Variants in HDAC4 observed in about 807,000 individuals in gnomAD.
HDAC4 encodes the protein histone deacetylase 4, also known as histone deacetylase A.
Under a neutral mutation model 135.1 loss-of-function variants are expected in HDAC4, and 16 were observed. The ratio of observed to expected loss-of-function variants is 0.12; its 90% CI spans 0.08 to 0.18. HDAC4 has a LOEUF of 0.18. Among genes scored for constraint, HDAC4 ranks in the 10% least tolerant of loss-of-function variants. The pLI, the probability that HDAC4 is intolerant of heterozygous loss-of-function variation, is 1.00. For synonymous variants in HDAC4, 685 were observed against 653.4 expected, an observed-to-expected ratio of 1.05 and a Z score of -0.74; for missense variants, 1,143 against 1,511.8, an observed-to-expected ratio of 0.76 and a Z score of 4.05.
intron 4 of HDAC4, among the ~76,000 whole-genome samples, chr2:239,181,972 T>C (rs889984679): frequency 1.3e-5 from 2 of 152,118 alleles, no homozygotes; most frequent in African/African-American, 2.4e-5. Flanking sequence ...GCTAGGGAGA[T>C]ACTACCTGGA....
chr2:239,357,780 T>C (rs1195900830), intron 1 of HDAC4, among the ~76,000 whole-genome samples: 1 of 149,578 alleles, frequency 6.7e-6, no homozygotes, highest in Non-Finnish European at 1.5e-5. Context: ...TCCCAGCTAC[T>C]CGGGAGGCTG....
At chr2:239,163,356 C>T (rs1182451282) in intron 6 of HDAC4, among the ~76,000 whole-genome samples, 1 of 152,212 alleles carries the variant, frequency 6.6e-6, no homozygotes, top group Admixed American at 6.5e-5. Flanking sequence ...CCAAGAGTAA[C>T]GACAGGCACC....
rs922083531 is a variant in HDAC4, at chr2:239,321,396, C to T, written c.22+31282G>A. On this transcript the variant is annotated intron_variant, in intron 2 of 26. Transcript: ENST00000543185. ...AGGACAATGGTGTGAACCCGGGAGA[C>T]GGAGCTTGCAGCGAGCCGAGATAGC... Among the ~76,000 whole-genome samples the T allele has an allele frequency of 3.8e-5, 5 of 131,792 alleles. 1 individual carries two copies. Among genetic ancestry groups the T allele is most frequent in the Non-Finnish European group, 1.5e-5 (1 of 65,326 alleles). 86.5% of individuals were successfully genotyped at this position (131,792 alleles called of 152,430 possible). A position where few individuals can be genotyped will look rare whatever the true frequency, so the allele number is the denominator to read the frequency against.
At chr2:239,247,260 T>G (rs1230371756) in intron 2 of HDAC4, among the ~76,000 whole-genome samples, 1 of 152,190 alleles carries the variant, frequency 6.6e-6, no homozygotes, top group African/African-American at 2.4e-5. Context: ...CTTTCTAAAC[T>G]AACACCTTTT....
chr2:239,089,161 GA>G lies in HDAC4; in HGVS notation c.2388+847del, dbSNP rs202062852. Among the ~76,000 whole-genome samples the G allele has an allele frequency of 3.9e-5, 6 of 152,246 alleles. No individual in the cohort carries two copies. The East Asian group carries it at 9.7e-4, about 25-fold the overall frequency. On this transcript the variant is annotated intron_variant, in intron 18 of 26. Transcript: ENST00000543185. Reference sequence around the variant, plus strand: ...GAATACCCACAATTAGAATACCTCTGAAAAGTCTATTAAAATCCTGCTCCCA... The same window carrying G: ...GAATACCCACAATTAGAATACCTCTGAAAGTCTATTAAAATCCTGCTCCCA...
rs139907921 is a variant in HDAC4, at chr2:239,225,088, G to A, written c.94+11505C>T. 3.7e-3 allele frequency among the ~76,000 whole-genome samples: 556 copies of A among 151,872 alleles called. 4 individuals carry two copies. Among genetic ancestry groups the A allele is most frequent in the African/African-American group, 0.012 (510 of 41,408 alleles). ...GATGACTTGGAAAATTCAGACTTTC[G>A]GGAAACAAAAAACACTTCTAAATAT... On this transcript the variant is annotated intron_variant, in intron 3 of 26. Coordinates refer to ENST00000543185, the MANE Select transcript of HDAC4 (RefSeq NM_001378414.1).
rs917959799 is a variant in HDAC4 at position 239,303,593 on chromosome 2, T to G, written c.22+49085A>C. Among the ~76,000 whole-genome samples, 1 of 151,788 alleles carries G rather than the reference T, an allele frequency of 6.6e-6. No homozygotes were observed. Among genetic ancestry groups the G allele is most frequent in the African/African-American group, 2.4e-5 (1 of 41,364 alleles). On this transcript the variant is annotated intron_variant, in intron 2 of 26. Coordinates refer to ENST00000543185, the MANE Select transcript of HDAC4 (RefSeq NM_001378414.1). This position sits in a 1 kb window ranked among gnomAD's most constrained non-coding sequence, Gnocchi z 5.1. ...TTGTCAGCTTTCTCTGTTTTCTTTC[T>G]TTCTTTTTTTTTTTTAATTCACAAT...
At chr2:239,193,103 C>T (rs2045112170) in intron 3 of HDAC4, among the ~76,000 whole-genome samples, 1 of 152,176 alleles carries the variant, frequency 6.6e-6, no homozygotes, top group Non-Finnish European at 1.5e-5. Flanking sequence ...TACGTCTCGC[C>T]TCATTTATCC....
rs555888592 is a variant in HDAC4, at chr2:239,349,033, C to G, written c.22+3645G>C. On this transcript the variant is annotated intron_variant, in intron 2 of 26. Coordinates refer to ENST00000543185, the MANE Select transcript of HDAC4 (RefSeq NM_001378414.1). The surrounding 1 kb of genome is among the most constrained non-coding windows in gnomAD (Gnocchi z 5.7). ...AGCAGGGCAAAGCCAAGTCACATGA[C>G]AAATGTGAGAGGGGGCCCATGGGCG... 6.6e-6 allele frequency among the ~76,000 whole-genome samples: 1 copy of G among 152,316 alleles called. No individual in the cohort carries two copies. The highest frequency in any genetic ancestry group is 1.5e-5 in the Non-Finnish European group (1 of 68,032).
chr2:239,139,678 A>G lies in HDAC4; in HGVS notation c.978+6T>C. ...GTAGGACACAGGACAAACGCTTCGCACTGACCTCCGCCGGGATGCTGGGGA... is the reference window on the plus strand; with the variant it reads ...GTAGGACACAGGACAAACGCTTCGCGCTGACCTCCGCCGGGATGCTGGGGA... On this transcript the variant is annotated splice_donor_region_variant and intron_variant, in intron 9 of 26. Transcript: ENST00000543185. This position sits in a 1 kb window ranked among gnomAD's most constrained non-coding sequence, Gnocchi z 5.3. 1 of 1,612,524 alleles carries G rather than the reference A, an allele frequency of 6.2e-7. No individual in the cohort carries two copies. Among genetic ancestry groups the G allele is most frequent in the Non-Finnish European group, 8.5e-7 (1 of 1,178,562 alleles).
At chr2:239,345,829 AC>A (rs58312576) in intron 2 of HDAC4, among the ~76,000 whole-genome samples, 4 of 131,834 alleles carry the variant, frequency 3.0e-5, no homozygotes, top group South Asian at 2.6e-4. Context: ...TAAAATACAC[AC>A]CCCCGTCTCA....
At chr2:239,209,887 C>T (rs182965308) in intron 3 of HDAC4, among the ~76,000 whole-genome samples, 281 of 152,302 alleles carry the variant, frequency 1.8e-3, no homozygotes, top group Middle Eastern at 3.4e-3. Context: ...AAGGATCAAA[C>T]GCTGGACCAT....
At position 239,167,110 on chromosome 2, in the gene HDAC4, C is replaced by A. The variant is rs547376013; in HGVS notation, c.491-3187G>T. Among the ~76,000 whole-genome samples, 6 of 152,040 alleles carry A rather than the reference C, an allele frequency of 3.9e-5. No homozygotes were observed. In the South Asian group the frequency reaches 1.3e-3, roughly 32 times the overall value. On this transcript the variant is annotated intron_variant, in intron 5 of 26. Coordinates refer to ENST00000543185, the MANE Select transcript of HDAC4 (RefSeq NM_001378414.1). This position sits in a 1 kb window ranked among gnomAD's most constrained non-coding sequence, Gnocchi z 4.1. ...CTTGAGTGGAGGCAGCAGAGCAGGA[C>A]AAGAAGCAGGTTCTCGGTGTGCGGG...
Position 239,115,494 on chromosome 2 carries a change from C to T in HDAC4, c.1534-184G>A, listed in dbSNP as rs543693680. Among the ~76,000 whole-genome samples, 70 of 152,236 alleles carry T rather than the reference C, an allele frequency of 4.6e-4. 1 individual carries two copies. The highest frequency in any genetic ancestry group is 2.9e-3 in the Admixed American group (45 of 15,290). On this transcript the variant is annotated intron_variant, in intron 12 of 26. Coordinates refer to ENST00000543185, the MANE Select transcript of HDAC4 (RefSeq NM_001378414.1). The surrounding 1 kb of genome is among the most constrained non-coding windows in gnomAD (Gnocchi z 6.3). ...CAACAGGCACTGGGGTGCCTGAGTGCCTAAGAAAATAATGCCCAGTAGGAC... is the reference window on the plus strand; with the variant it reads ...CAACAGGCACTGGGGTGCCTGAGTGTCTAAGAAAATAATGCCCAGTAGGAC...
At chr2:239,396,514 G>A (rs1169944804) in intron 1 of HDAC4, among the ~76,000 whole-genome samples, 1 of 152,152 alleles carries the variant, frequency 6.6e-6, no homozygotes, top group Non-Finnish European at 1.5e-5. Context: ...ACACTGAATT[G>A]ATTAGTAATG....
chr2:239,270,730 A>T (rs2050013576), intron 2 of HDAC4, among the ~76,000 whole-genome samples: 1 of 152,200 alleles, frequency 6.6e-6, no homozygotes, highest in South Asian at 2.1e-4. Context: ...CATCTACTTA[A>T]TGGAAAGGAG....
At chr2:239,247,676 C>T (rs956487346) in intron 2 of HDAC4, among the ~76,000 whole-genome samples, 1 of 152,184 alleles carries the variant, frequency 6.6e-6, no homozygotes, top group Non-Finnish European at 1.5e-5. Context: ...GGTTAGGTGG[C>T]AGGAAGCTGG....
intron 1 of HDAC4, among the ~76,000 whole-genome samples, chr2:239,394,350 C>T (rs116637188): frequency 0.01 from 1,556 of 152,266 alleles, 25 homozygotes; most frequent in African/African-American, 0.035. Context: ...AAAATTATGA[C>T]GCTAAATAAG....
intron 13 of HDAC4, among the ~76,000 whole-genome samples, chr2:239,114,773 C>G (rs1437593018): frequency 6.6e-6 from 1 of 152,182 alleles, no homozygotes; most frequent in Non-Finnish European, 1.5e-5. Flanking sequence ...TTACAGCCTA[C>G]AGACAGGAAG....
Sources: gnomAD v4.1 joint callset for allele counts (sites outside exome capture counted in the v4.1 genomes callset) on GRCh38, gnomAD v4.1.1 for gene constraint, Gnocchi (gnomAD v3.1) non-coding constraint, MANE v1.5 for transcripts, NCBI Gene and HGNC (gene_info 2026-07-23, HGNC 2026-07-21) for gene names.